RABGAP1: variants seen among roughly 807,000 people sequenced by gnomAD.
RABGAP1 encodes the protein RAB GTPase activating protein 1, also known as rab GTPase-activating protein 1.
In RABGAP1, 23 loss-of-function variants were observed where a neutral mutation model predicts 137.6. The ratio of observed to expected loss-of-function variants is 0.17; its 90% CI spans 0.12 to 0.24. RABGAP1 has a LOEUF of 0.24. Among genes scored for constraint, RABGAP1 ranks in the 10% least tolerant of loss-of-function variants. RABGAP1 has a pLI of 1.00. For synonymous variants in RABGAP1, 451 were observed against 450.7 expected, an observed-to-expected ratio of 1.00 and a Z score of -0.01; for missense variants, 906 against 1,275.8, an observed-to-expected ratio of 0.71 and a Z score of 4.42.
At chr9:123,098,410 TG>T (rs1337786583) in intron 22 of RABGAP1, among the ~76,000 whole-genome samples, 2 of 152,358 alleles carry the variant, frequency 1.3e-5, no homozygotes, top group Admixed American at 1.3e-4. Context: ...ATGAGCTCTT[TG>T]GTTTGTGTCT....
intron 13 of RABGAP1, among the ~76,000 whole-genome samples, chr9:123,032,375 T>C (rs778846265): frequency 6.6e-6 from 1 of 152,196 alleles, no homozygotes; most frequent in Non-Finnish European, 1.5e-5. Context: ...CTATTGGTCT[T>C]TTTACTGTGC....
At chr9:123,028,977 A>G (rs1166712672) in intron 13 of RABGAP1, among the ~76,000 whole-genome samples, 3 of 152,188 alleles carry the variant, frequency 2.0e-5, no homozygotes. Flanking sequence ...TTTGCTTATT[A>G]TCTGTATTAT....
chr9:123,097,093 T>C (rs1256580579), intron 21 of RABGAP1, among the ~76,000 whole-genome samples: 4 of 152,188 alleles, frequency 2.6e-5, no homozygotes, highest in African/African-American at 7.2e-5. Flanking sequence ...TCTTCAGTTA[T>C]CTTTGGAGTG....
chr9:123,011,685 C>T (rs537067516), intron 11 of RABGAP1, among the ~76,000 whole-genome samples: 122 of 152,260 alleles, frequency 8.0e-4, no homozygotes, highest in Admixed American at 2.9e-3. Flanking sequence ...TGGCCAGGCA[C>T]GGTGGCTCAT....
intron 13 of RABGAP1, among the ~76,000 whole-genome samples, chr9:123,050,823 A>G (rs983826694): frequency 1.3e-5 from 2 of 152,212 alleles, no homozygotes; most frequent in Admixed American, 6.5e-5. Flanking sequence ...ACATTGGATC[A>G]TTTCCATGGG....
At position 122,955,270 on chromosome 9, in the gene RABGAP1, G is replaced by A. The variant is rs12336379; in HGVS notation, c.-49-1741G>A. On this transcript the variant is annotated intron_variant, in intron 1 of 25. Coordinates refer to ENST00000373647, the MANE Select transcript of RABGAP1 (RefSeq NM_012197.4). ...CCCTAAATCAGTACTTATTAGGTAC[G>A]ATTTGCTTCTGTTCTCTACTAAACT... Among the ~76,000 whole-genome samples the A allele has an allele frequency of 9.8e-3, 1,488 of 152,232 alleles. 43 individuals carry two copies. Among genetic ancestry groups the A allele is most frequent in the East Asian group, 0.074 (381 of 5,174 alleles).
chr9:122,989,778 C>A (rs2131775658), intron 5 of RABGAP1: 1 of 513,516 alleles, frequency 1.9e-6, no homozygotes, highest in Non-Finnish European at 3.4e-6. Context: ...CTTGTTAGGA[C>A]TGTTTTCATT....
chr9:123,028,959 A>G (rs938116611), intron 13 of RABGAP1, among the ~76,000 whole-genome samples: 2 of 152,200 alleles, frequency 1.3e-5, no homozygotes, highest in African/African-American at 4.8e-5. Context: ...TTAATATTAT[A>G]TATATTTTTT....
chr9:122,961,921 A>G (rs570248026), intron 2 of RABGAP1, among the ~76,000 whole-genome samples: 2 of 152,328 alleles, frequency 1.3e-5, no homozygotes, highest in Admixed American at 1.3e-4. Context: ...CAAATTCATA[A>G]GAATAAATGA....
rs144636199 is a variant in RABGAP1, at chr9:123,024,708, G to A, written c.1794+4249G>A. Among the ~76,000 whole-genome samples the A allele has an allele frequency of 7.0e-4, 106 of 152,226 alleles. 1 individual carries two copies. The East Asian group carries it at 0.018, about 26-fold the overall frequency. ...CCACCTCGGCCTCCCAAAGTTCTGG[G>A]ATTACAGGCATGAGCCACTGCATGT... On this transcript the variant is annotated intron_variant, in intron 13 of 25. Transcript: ENST00000373647.
At chr9:122,998,258 C>T (rs1208813176) in intron 9 of RABGAP1, among the ~76,000 whole-genome samples, 2 of 152,056 alleles carry the variant, frequency 1.3e-5, no homozygotes, top group Non-Finnish European at 2.9e-5. Flanking sequence ...TGCCAACATA[C>T]CTGGCTAATT....
chr9:123,049,331 G>A (rs1206704074), intron 13 of RABGAP1, among the ~76,000 whole-genome samples: 1 of 152,094 alleles, frequency 6.6e-6, no homozygotes, highest in East Asian at 1.9e-4. Context: ...TTTGGAGTAA[G>A]TTGTTTGGAG....
intron 10 of RABGAP1, among the ~76,000 whole-genome samples, chr9:123,004,804 C>A (rs2030062760): frequency 6.6e-6 from 1 of 151,934 alleles, no homozygotes; most frequent in Non-Finnish European, 1.5e-5. Context: ...TGCCTGTAAT[C>A]CCAGCACTTT....
chr9:122,995,052 G>A (rs545516968), intron 6 of RABGAP1, among the ~76,000 whole-genome samples: 1 of 152,250 alleles, frequency 6.6e-6, no homozygotes, highest in African/African-American at 2.4e-5. Flanking sequence ...AGGAGTTTGA[G>A]GCTGTAGTGA....
chr9:122,963,495 A>G (rs552489561), intron 2 of RABGAP1, among the ~76,000 whole-genome samples: 3 of 152,176 alleles, frequency 2.0e-5, no homozygotes, highest in Non-Finnish European at 4.4e-5. Context: ...ATTCACTACT[A>G]CAGGGAAATT....
At chr9:123,007,083 G>T (rs1169044775) in intron 10 of RABGAP1, among the ~76,000 whole-genome samples, 1 of 30,504 alleles carries the variant, frequency 3.3e-5, no homozygotes, top group Non-Finnish European at 7.0e-5. Context: ...ATTTGTTTGT[G>T]GGTTTATTTT....
chr9:123,017,260 C>G (rs538865609), intron 12 of RABGAP1, among the ~76,000 whole-genome samples: 16 of 152,210 alleles, frequency 1.1e-4, no homozygotes, highest in African/African-American at 3.6e-4. Flanking sequence ...CATTAAGACT[C>G]TAGTTAGATT....
chr9:123,017,809 AC>A (rs1564135807), intron 12 of RABGAP1, among the ~76,000 whole-genome samples: 1 of 152,226 alleles, frequency 6.6e-6, no homozygotes, highest in Non-Finnish European at 1.5e-5. Flanking sequence ...AACTCTAACA[AC>A]CTTATAAAGT....
At chr9:122,955,758 G>GA (rs1286343437) in intron 1 of RABGAP1, among the ~76,000 whole-genome samples, 1 of 152,164 alleles carries the variant, frequency 6.6e-6, no homozygotes, top group Non-Finnish European at 1.5e-5. Context: ...CCTTTTAGGG[G>GA]AAAATTGTGT....
Sources: allele counts gnomAD v4.1 joint callset (sites outside exome capture counted in the v4.1 genomes callset), GRCh38; gene constraint gnomAD v4.1.1; transcripts MANE v1.5; gene names NCBI Gene and HGNC (gene_info 2026-07-23, HGNC 2026-07-21).